The following TSNARE1 variants were observed in gnomAD, a reference collection of about 807,000 sequenced individuals.
TSNARE1 encodes the protein t-SNARE domain containing 1.
TSNARE1 carries 49 observed loss-of-function variants against 62.0 expected under a neutral mutation model. The observed-to-expected ratio is 0.79, with a 90% CI of 0.63 to 1.00. The LOEUF (loss-of-function observed/expected upper bound fraction) is 1.00. Among genes scored for constraint, TSNARE1 ranks in the 50% least tolerant of loss-of-function variants. TSNARE1 has a pLI of 0.00. For missense variants in TSNARE1, 755 were observed against 700.1 expected (o/e 1.08, Z -0.88); for synonymous variants, 328 against 294.4 (o/e 1.11, Z -1.17).
At chr8:142,394,683 T>C (rs1240157940) in intron 1 of TSNARE1, among the ~76,000 whole-genome samples, 1 of 152,088 alleles carries the variant, frequency 6.6e-6, no homozygotes, top group African/African-American at 2.4e-5. Flanking sequence ...ACCTCTCAGG[T>C]TGGACAGAAA....
At chr8:142,212,596 C>T (rs1484629328) in intron 13 of TSNARE1, among the ~76,000 whole-genome samples, 5 of 152,026 alleles carry the variant, frequency 3.3e-5, no homozygotes, top group East Asian at 3.9e-4. Flanking sequence ...CCTTCCTGGC[C>T]GCATCCATGT....
intron 4 of TSNARE1, among the ~76,000 whole-genome samples, chr8:142,341,968 C>T (rs1333281242): frequency 6.6e-6 from 1 of 152,212 alleles, no homozygotes; most frequent in Non-Finnish European, 1.5e-5. Flanking sequence ...TCTGTGTCAC[C>T]CCAGTCCCAG....
At chr8:142,303,426 CCT>C (rs1384218074) in intron 9 of TSNARE1, among the ~76,000 whole-genome samples, 2 of 152,226 alleles carry the variant, frequency 1.3e-5, no homozygotes, top group African/African-American at 4.8e-5. Context: ...GCCCGAGAAC[CCT>C]CTCTTGGCCA....
intron 12 of TSNARE1, among the ~76,000 whole-genome samples, chr8:142,232,718 C>T (rs1032525170): frequency 2.0e-5 from 3 of 152,242 alleles, no homozygotes; most frequent in African/African-American, 7.2e-5. Flanking sequence ...ATCTGGACAC[C>T]GACTTCAAGG....
chr8:142,216,435 G>A (rs535900943), intron 13 of TSNARE1, among the ~76,000 whole-genome samples: 57 of 152,296 alleles, frequency 3.7e-4, no homozygotes, highest in African/African-American at 1.2e-3. Context: ...GGGCTCTGGC[G>A]TCCTCTGGCC....
In TSNARE1 at chr8:142,344,040, A is replaced by G; in HGVS notation, c.671T>C (p.Val224Ala). 2 of 1,584,940 alleles carry G rather than the reference A, an allele frequency of 1.3e-6. No homozygotes were observed. The highest frequency in any genetic ancestry group is 1.7e-6 in the Non-Finnish European group (2 of 1,163,408). ...GAAGGTCTTGGCCACCACCTGCTCC[A>G]CGGGCGTGAGAGCCAGGGCCTGGGG... ...GKPQALALTP[V>A]EQVVAKTFSC... is the part of the protein sequence containing the mutation. The change falls in exon 4 of 14, where the codon GTG becomes GCG. Residue 224 changes from valine to alanine, a missense_variant. By Grantham distance (64) the Val-to-Ala change is moderately conservative (BLOSUM62 0). Coordinates refer to ENST00000524325, the MANE Select transcript of TSNARE1 (RefSeq NM_145003.5).
intron 1 of TSNARE1, among the ~76,000 whole-genome samples, chr8:142,392,182 C>T (rs1284959054): frequency 2.6e-5 from 4 of 152,118 alleles, no homozygotes; most frequent in African/African-American, 4.8e-5. Flanking sequence ...CACCACCATG[C>T]CCGGCTAATT....
chr8:142,282,429 CGGAGCA>C (rs1821681382), intron 11 of TSNARE1, among the ~76,000 whole-genome samples: 1 of 149,752 alleles, frequency 6.7e-6, no homozygotes, highest in African/African-American at 2.4e-5. Context: ...TATTAATGAG[CGGAGCA>C]GGGGCCAGTG....
At chr8:142,224,516 T>C (rs1816682306) in intron 13 of TSNARE1, among the ~76,000 whole-genome samples, 1 of 152,130 alleles carries the variant, frequency 6.6e-6, no homozygotes, top group African/African-American at 2.4e-5. Context: ...TGCAGATGAG[T>C]GAGGCTGGCT....
chr8:142,274,933 C>CA, intron 11 of TSNARE1, 70 bp from the exon 12 acceptor site: 1 of 1,421,202 alleles, frequency 7.0e-7, no homozygotes, highest in African/African-American at 1.5e-5. Flanking sequence ...GGACACCCCC[C>CA]AAAGGCAAGC....
intron 13 of TSNARE1, 58 bp from the exon 14 acceptor site, chr8:142,212,371 C>T (rs1815581792): frequency 6.6e-6 from 1 of 152,298 alleles, no homozygotes; most frequent in Non-Finnish European, 1.5e-5. Context: ...AGGGAGAGCT[C>T]AGAGTGCCAG....
chr8:142,240,710 A>T (rs1329413823), intron 12 of TSNARE1, among the ~76,000 whole-genome samples: 1 of 152,240 alleles, frequency 6.6e-6, no homozygotes, highest in Non-Finnish European at 1.5e-5. Flanking sequence ...AAAAATCCCC[A>T]TGCATTTAGA....
chr8:142,381,878 C>A (rs1459483541), intron 1 of TSNARE1, among the ~76,000 whole-genome samples: 1 of 152,196 alleles, frequency 6.6e-6, no homozygotes, highest in Non-Finnish European at 1.5e-5. Context: ...GGTGCCGCAG[C>A]TCATCCTGCG....
At chr8:142,326,472 G>A (rs1399796421) in intron 6 of TSNARE1, among the ~76,000 whole-genome samples, 3 of 101,028 alleles carry the variant, frequency 3.0e-5, no homozygotes, top group Non-Finnish European at 3.8e-5. Context: ...GGAGGGCCCC[G>A]GAGGGCATGA....
intron 12 of TSNARE1, among the ~76,000 whole-genome samples, chr8:142,253,150 A>G (rs539010596): frequency 1.0e-3 from 152 of 152,254 alleles, no homozygotes; most frequent in South Asian, 1.7e-3. Context: ...CACGGGTGAG[A>G]GTGCGGAGGT....
At chr8:142,289,158 G>A (rs985516525) in intron 10 of TSNARE1, among the ~76,000 whole-genome samples, 3 of 152,212 alleles carry the variant, frequency 2.0e-5, no homozygotes, top group African/African-American at 4.8e-5. Context: ...CTGCCGAGGC[G>A]CTCACTGATA....
chr8:142,255,704 T>C (rs1393494019), intron 12 of TSNARE1, among the ~76,000 whole-genome samples: 12 of 15,352 alleles, frequency 7.8e-4, no homozygotes, highest in Non-Finnish European at 1.0e-3. Context: ...ACCACCACCA[T>C]CACCACCATC....
chr8:142,377,655 C>A (rs768521218), intron 1 of TSNARE1, among the ~76,000 whole-genome samples: 1 of 152,152 alleles, frequency 6.6e-6, no homozygotes. Context: ...ACTGGGGGAA[C>A]GGCAGGGACC....
intron 12 of TSNARE1, chr8:142,269,879 T>C (rs1485332292): frequency 1.0e-6 from 1 of 985,272 alleles, no homozygotes; most frequent in Non-Finnish European, 1.2e-6. Flanking sequence ...GGTTCTTTCA[T>C]AGACAAGTTA....
Sources: allele counts gnomAD v4.1 joint callset (sites outside exome capture counted in the v4.1 genomes callset), GRCh38; gene constraint gnomAD v4.1.1; transcripts MANE v1.5; gene names NCBI Gene and HGNC (gene_info 2026-07-23, HGNC 2026-07-21).